EFR3A: variants seen among roughly 807,000 people sequenced by gnomAD.
EFR3A encodes protein EFR3 homolog A.
EFR3A carries 76 observed loss-of-function variants against 104.4 expected under a neutral mutation model. The observed-to-expected ratio is 0.73, with a 90% CI of 0.60 to 0.88. EFR3A has a LOEUF of 0.88. EFR3A is among the 40% of genes least tolerant of loss of function. The probability of loss-of-function intolerance (pLI) is 0.00; values close to 1 mark genes in which losing one functional copy is unlikely to be tolerated. For synonymous variants in EFR3A, 330 were observed against 330.0 expected (o/e 1.00, Z 0.00); for missense variants, 985 against 1,012.5 (o/e 0.97, Z 0.37).
At chr8:131,946,997 A>G (rs187264723) in intron 4 of EFR3A, among the ~76,000 whole-genome samples, 4 of 152,130 alleles carry the variant, frequency 2.6e-5, no homozygotes, top group Non-Finnish European at 5.9e-5. Flanking sequence ...TAATGCTGCT[A>G]TGAAGATTTG....
chr8:131,939,595 CTTGT>C (rs1818067809), intron 1 of EFR3A, among the ~76,000 whole-genome samples: 1 of 151,986 alleles, frequency 6.6e-6, no homozygotes, highest in South Asian at 2.1e-4. Context: ...AACATTAGGA[CTTGT>C]TTTTTAGACG....
chr8:131,917,739 C>A (rs1243839782), intron 1 of EFR3A, among the ~76,000 whole-genome samples: 1 of 152,078 alleles, frequency 6.6e-6, no homozygotes, highest in Non-Finnish European at 1.5e-5. Flanking sequence ...ATTCCAGGTT[C>A]TTTGTGTATA....
intron 1 of EFR3A, among the ~76,000 whole-genome samples, chr8:131,933,229 G>A (rs982203272): frequency 2.1e-4 from 32 of 152,158 alleles, no homozygotes; most frequent in Admixed American, 1.6e-3. Context: ...TTGGGACACC[G>A]GGGCGGTATA....
At chr8:131,987,781 G>A in intron 18 of EFR3A, 79 bp downstream of exon 18, 4 of 1,443,004 alleles carry the variant, frequency 2.8e-6, no homozygotes, top group Non-Finnish European at 3.7e-6. Context: ...AGTTAACAAT[G>A]AAAATTAATT....
chr8:131,949,187 A>C (rs1334306314), intron 4 of EFR3A, among the ~76,000 whole-genome samples: 1 of 152,110 alleles, frequency 6.6e-6, no homozygotes, highest in Non-Finnish European at 1.5e-5. Context: ...ACTATGCAAC[A>C]TTGGTTCATG....
chr8:131,950,312 C>G (rs1818635402), intron 5 of EFR3A, among the ~76,000 whole-genome samples: 1 of 152,084 alleles, frequency 6.6e-6, no homozygotes, highest in African/African-American at 2.4e-5. Context: ...CTCTTCATGC[C>G]CTGCTTACTC....
intron 17 of EFR3A, among the ~76,000 whole-genome samples, chr8:131,986,956 A>G (rs1820918898): frequency 6.6e-6 from 1 of 152,088 alleles, no homozygotes; most frequent in South Asian, 2.1e-4. Context: ...ACAATACTCA[A>G]AATATTGTGG....
chr8:131,963,202 G>T (rs970407182), intron 8 of EFR3A, among the ~76,000 whole-genome samples: 7 of 152,052 alleles, frequency 4.6e-5, no homozygotes, highest in Non-Finnish European at 8.8e-5. Context: ...CTAGCAGAAG[G>T]CAAGAAATAA....
intron 22 of EFR3A, among the ~76,000 whole-genome samples, chr8:132,010,449 T>TATATATATATATATATA (rs1326843233): frequency 1.6e-5 from 2 of 128,414 alleles, no homozygotes; most frequent in African/African-American, 2.9e-5. Context: ...TATATATATA[T>TATATATATATATATATA]AATGAAATAC....
intron 19 of EFR3A, among the ~76,000 whole-genome samples, chr8:131,997,115 T>C (rs1482415297): frequency 1.3e-5 from 2 of 152,150 alleles, no homozygotes; most frequent in East Asian, 1.9e-4. Flanking sequence ...TCCTGACTTA[T>C]AGGGGAAAAA....
At chr8:131,946,020 T>G (rs1209020823) in intron 3 of EFR3A, among the ~76,000 whole-genome samples, 1 of 152,062 alleles carries the variant, frequency 6.6e-6, no homozygotes, top group African/African-American at 2.4e-5. Context: ...TAAAATCTGA[T>G]GAATTGTAAA....
In EFR3A at chr8:132,003,327, G is replaced by T. The variant is rs763658526; in HGVS notation, c.2360+42G>T. ...CACAATAGCAATAACACACACACACGAATAGAAACTGACAGACCCCTATGA... is the reference window on the plus strand; with the variant it reads ...CACAATAGCAATAACACACACACACTAATAGAAACTGACAGACCCCTATGA... On this transcript the variant is annotated intron_variant, in intron 22 of 22. Transcript: ENST00000254624. 4 of 1,516,256 alleles carry T rather than the reference G, an allele frequency of 2.6e-6. No homozygotes were observed. The South Asian group carries it at 3.6e-5, about 14-fold the overall frequency. The allele number at this position is 1,516,256 out of a possible 1,614,324, so 93.9% of individuals were successfully genotyped here.
At position 132,002,627 on chromosome 8, in the gene EFR3A, A is replaced by G; in HGVS notation, c.2231A>G (p.Glu744Gly). The change falls in exon 21 of 23, where the codon GAA (glutamate) becomes GGA (glycine). Residue 744 changes from glutamate (E) to glycine (G), a missense_variant. Transcript: ENST00000254624. ...AIDTSGMEEQ[E>G]KEKRRLVIEK... ...GATACCAGTGGAATGGAAGAACAGG[A>G]AAAGGAAAAGAGGCGTCTTGTGATA... The G allele has an allele frequency of 2.5e-6, 4 of 1,613,522 alleles. No homozygotes were observed. Among genetic ancestry groups the G allele is most frequent in the Non-Finnish European group, 3.4e-6 (4 of 1,179,500 alleles).
chr8:131,967,984 C>T (rs1334187479), intron 8 of EFR3A, among the ~76,000 whole-genome samples: 1 of 151,154 alleles, frequency 6.6e-6, no homozygotes, highest in African/African-American at 2.4e-5. Flanking sequence ...TCATAAATCC[C>T]TTTCTCAGAG....
chr8:132,011,010 C>G lies in EFR3A; in HGVS notation c.*115C>G. On this transcript the variant is annotated 3_prime_UTR_variant, in exon 23 of 23. Transcript: ENST00000254624. ...ATACTTCTTGAAAATAATGATGGAA[C>G]ATATCTTTAACCAAATGTTTGGCAT... 7.6e-7 allele frequency: 1 copy of G among 1,315,932 alleles called. No individual in the cohort carries two copies. Among genetic ancestry groups the G allele is most frequent in the Non-Finnish European group, 9.8e-7 (1 of 1,020,408 alleles). The allele number at this position is 1,315,932 out of a possible 1,614,324, so 81.5% of individuals were successfully genotyped here. A position where few individuals can be genotyped will look rare whatever the true frequency, so the allele number is the denominator to read the frequency against.
At chr8:131,979,460 T>C in intron 14 of EFR3A, 39 bp downstream of exon 14, 1 of 1,342,618 alleles carries the variant, frequency 7.4e-7, no homozygotes, top group Non-Finnish European at 1.0e-6. Flanking sequence ...GTAGTGTAAA[T>C]TACAGCCGTT....
intron 1 of EFR3A, among the ~76,000 whole-genome samples, chr8:131,922,499 C>T (rs1014982094): frequency 3.3e-5 from 5 of 152,108 alleles, no homozygotes; most frequent in Admixed American, 2.6e-4. Context: ...CACTTCTGGT[C>T]TCAAGCATTT....
chr8:131,904,325 G>T lies in EFR3A; in HGVS notation c.10+3G>T. 5 of 1,255,806 alleles carry T rather than the reference G, an allele frequency of 4.0e-6. No homozygotes were observed. Among genetic ancestry groups the T allele is most frequent in the Non-Finnish European group, 4.0e-6 (4 of 999,316 alleles). 77.8% of individuals were successfully genotyped at this position (1,255,806 alleles called of 1,614,324 possible). ...GGTCGAGATCGCCATGCCTACCCGTGAGTGGCCGGCCGAGGGCCGGGGGCG... is the reference window on the plus strand; with the variant it reads ...GGTCGAGATCGCCATGCCTACCCGTTAGTGGCCGGCCGAGGGCCGGGGGCG... On this transcript the variant is annotated splice_donor_region_variant and intron_variant, in intron 1 of 22. Coordinates refer to ENST00000254624, the MANE Select transcript of EFR3A (RefSeq NM_015137.6).
At chr8:132,006,294 G>A (rs970358700) in intron 22 of EFR3A, among the ~76,000 whole-genome samples, 3 of 152,024 alleles carry the variant, frequency 2.0e-5, no homozygotes, top group East Asian at 1.9e-4. Flanking sequence ...CTTTGAAATG[G>A]TTGATAAAAT....
Sources: gnomAD v4.1 joint callset for allele counts (sites outside exome capture counted in the v4.1 genomes callset) on GRCh38, gnomAD v4.1.1 for gene constraint, MANE v1.5 for transcripts, NCBI Gene and HGNC (gene_info 2026-07-23, HGNC 2026-07-21) for gene names.